Variants in HIKESHI observed in about 807,000 individuals in gnomAD.
The protein encoded by HIKESHI is protein Hikeshi.
Under a neutral mutation model 25.7 loss-of-function variants are expected in HIKESHI, and 13 were observed. The ratio of observed to expected loss-of-function variants is 0.51; its 90% CI spans 0.33 to 0.80. The LOEUF is 0.80. HIKESHI is among the 30% of genes least tolerant of loss of function. The pLI is 0.02. For synonymous variants in HIKESHI, 76 were observed against 78.7 expected (o/e 0.97, Z 0.18); for missense variants, 174 against 229.5 (o/e 0.76, Z 1.56).
chr11:86,307,860 C>CA lies in HIKESHI; in HGVS notation c.268+1379dup, dbSNP rs1946693113. The stretch of plus-strand genomic sequence containing the variant: ...ATAAATATATATTATGTGTAATATA[C>CA]ATTATATAAAATATATATTATGTGT... On this transcript the variant is annotated intron_variant, in intron 2 of 4. Transcript: ENST00000278483. Among the ~76,000 whole-genome samples, 11 of 94,204 alleles carry CA rather than the reference C, an allele frequency of 1.2e-4. 1 individual carries two copies. The highest frequency in any genetic ancestry group is 3.4e-4 in the South Asian group (1 of 2,956). The allele number at this position is 94,204 out of a possible 152,430, so 61.8% of individuals were successfully genotyped here.
At chr11:86,309,518 G>A (rs1266242770) in intron 2 of HIKESHI, among the ~76,000 whole-genome samples, 2 of 152,104 alleles carry the variant, frequency 1.3e-5, no homozygotes, top group African/African-American at 2.4e-5. Context: ...CATTCTGTGG[G>A]TTGCCTGTTC....
intron 2 of HIKESHI, among the ~76,000 whole-genome samples, chr11:86,307,887 A>T (rs1366791217): frequency 8.1e-6 from 1 of 123,038 alleles, no homozygotes; most frequent in Non-Finnish European, 1.6e-5. Flanking sequence ...ATTATGTGTA[A>T]TATACAATAT....
At chr11:86,339,189 G>T (rs372557700) in intron 3 of HIKESHI, among the ~76,000 whole-genome samples, 2 of 149,818 alleles carry the variant, frequency 1.3e-5, no homozygotes, top group African/African-American at 4.9e-5. Flanking sequence ...GGGACTACAC[G>T]TGCCCGCCAC....
intron 3 of HIKESHI, among the ~76,000 whole-genome samples, chr11:86,340,891 CT>C (rs938147940): frequency 2.6e-5 from 4 of 152,202 alleles, no homozygotes; most frequent in African/African-American, 7.2e-5. Flanking sequence ...GATCCACCCA[CT>C]TTGGCCTCCC....
chr11:86,334,697 A>G (rs1442374807), intron 2 of HIKESHI, among the ~76,000 whole-genome samples: 1 of 152,180 alleles, frequency 6.6e-6, no homozygotes, highest in African/African-American at 2.4e-5. Flanking sequence ...AAAAGCAACA[A>G]CAACACTGTC....
At position 86,313,438 on chromosome 11, in the gene HIKESHI, G is replaced by A. The variant is rs1378894041; in HGVS notation, c.268+6956G>A. 3.3e-5 allele frequency among the ~76,000 whole-genome samples: 5 copies of A among 152,220 alleles called. No individual in the cohort carries two copies. In the South Asian group the frequency reaches 6.2e-4, roughly 19 times the overall value. On this transcript the variant is annotated intron_variant, in intron 2 of 4. Coordinates refer to ENST00000278483, the MANE Select transcript of HIKESHI (RefSeq NM_016401.4). ...GTAGAGATGGGGTTTCACCATGTCA[G>A]CCAGGCTGGTCTTGAACTCCTGACC...
At chr11:86,339,093 TG>T (rs1947648355) in intron 3 of HIKESHI, among the ~76,000 whole-genome samples, 1 of 152,234 alleles carries the variant, frequency 6.6e-6, no homozygotes, top group Non-Finnish European at 1.5e-5. Flanking sequence ...TCGCCCAGGC[TG>T]GAGTGCAGTG....
chr11:86,340,723 C>T (rs1297366531), intron 3 of HIKESHI, among the ~76,000 whole-genome samples: 1 of 152,172 alleles, frequency 6.6e-6, no homozygotes. Flanking sequence ...TCGGCTCCTG[C>T]AACCTCTGCC....
chr11:86,336,805 GAGAGA>G (rs1947574685), intron 2 of HIKESHI, among the ~76,000 whole-genome samples: 1 of 152,130 alleles, frequency 6.6e-6, no homozygotes, highest in Admixed American at 6.6e-5. Context: ...AAAAGGTAAA[GAGAGA>G]ATGTTGAAAG....
At chr11:86,319,581 T>C (rs1947099235) in intron 2 of HIKESHI, among the ~76,000 whole-genome samples, 1 of 151,500 alleles carries the variant, frequency 6.6e-6, no homozygotes, top group Admixed American at 6.6e-5. Context: ...TAATATCAAA[T>C]TGAATATCTG....
intron 2 of HIKESHI, among the ~76,000 whole-genome samples, chr11:86,319,640 A>C (rs1290771170): frequency 6.6e-6 from 1 of 151,876 alleles, no homozygotes; most frequent in Non-Finnish European, 1.5e-5. Context: ...ATGTTTATAT[A>C]AGTTTTTAAA....
intron 3 of HIKESHI, among the ~76,000 whole-genome samples, chr11:86,340,947 A>G (rs796576792): frequency 1.2e-4 from 19 of 152,272 alleles, no homozygotes; most frequent in African/African-American, 4.6e-4. Flanking sequence ...CCAGCCTCAA[A>G]TAGTGTAATA....
At chr11:86,305,104 A>T (rs1396710929) in intron 1 of HIKESHI, among the ~76,000 whole-genome samples, 1 of 152,082 alleles carries the variant, frequency 6.6e-6, no homozygotes, top group Non-Finnish European at 1.5e-5. Context: ...GGTTCAAGTG[A>T]TTATCTGGTC....
intron 2 of HIKESHI, among the ~76,000 whole-genome samples, chr11:86,323,507 T>A (rs538839276): frequency 2.3e-4 from 35 of 152,298 alleles, no homozygotes; most frequent in African/African-American, 8.2e-4. Flanking sequence ...CCAGGACACA[T>A]TGGTTGTTTT....
intron 2 of HIKESHI, among the ~76,000 whole-genome samples, chr11:86,315,320 A>G (rs1946944137): frequency 8.6e-6 from 1 of 116,250 alleles, no homozygotes. Flanking sequence ...GAAAAATAAA[A>G]TAACTTCCTT....
intron 3 of HIKESHI, among the ~76,000 whole-genome samples, chr11:86,339,080 C>G (rs1947647710): frequency 6.6e-6 from 1 of 152,178 alleles, no homozygotes; most frequent in Non-Finnish European, 1.5e-5. Context: ...GAGTCTCACT[C>G]TGTCGCCCAG....
At chr11:86,307,224 T>C (rs1205550010) in intron 2 of HIKESHI, among the ~76,000 whole-genome samples, 1 of 71,966 alleles carries the variant, frequency 1.4e-5, no homozygotes, top group African/African-American at 5.3e-5. Flanking sequence ...ATATATATTA[T>C]GTGTAATATA....
At chr11:86,312,224 C>G (rs557382023) in intron 2 of HIKESHI, among the ~76,000 whole-genome samples, 4 of 152,156 alleles carry the variant, frequency 2.6e-5, no homozygotes, top group South Asian at 2.1e-4. Context: ...TAAGGGCTTG[C>G]TTTATGAATC....
At chr11:86,317,978 C>G (rs896096451) in intron 2 of HIKESHI, among the ~76,000 whole-genome samples, 2 of 151,896 alleles carry the variant, frequency 1.3e-5, no homozygotes, top group African/African-American at 4.8e-5. Flanking sequence ...ATATACCAAA[C>G]AAAACTGAAA....
Sources: gnomAD v4.1 joint callset for allele counts (sites outside exome capture counted in the v4.1 genomes callset) on GRCh38, gnomAD v4.1.1 for gene constraint, MANE v1.5 for transcripts, NCBI Gene and HGNC (gene_info 2026-07-23, HGNC 2026-07-21) for gene names.